Variants in EN1 observed in about 807,000 individuals in gnomAD.
The protein encoded by EN1 is engrailed homeobox 1.
A neutral mutation model predicts 22.9 loss-of-function variants in EN1; 8 were observed. The observed-to-expected ratio is 0.35, with a 90% CI of 0.20 to 0.63. The LOEUF is 0.63. Among genes scored for constraint, EN1 ranks in the 20% least tolerant of loss-of-function variants. EN1 has a pLI of 0.73. For synonymous variants in EN1, 287 were observed against 262.5 expected, an observed-to-expected ratio of 1.09 and a Z score of -0.90; for missense variants, 521 against 572.1, an observed-to-expected ratio of 0.91 and a Z score of 0.91.
rs887104630 is a variant in EN1, at chr2:118,846,569, G to A, written c.599C>T (p.Ala200Val). The A allele has an allele frequency of 3.0e-5, 37 of 1,216,064 alleles. No individual in the cohort carries two copies. The African/African-American group carries it at 4.4e-4, about 15-fold the overall frequency. 75.3% of individuals were successfully genotyped at this position (1,216,064 alleles called of 1,614,324 possible). A position where few individuals can be genotyped will look rare whatever the true frequency, so the allele number is the denominator to read the frequency against. The change falls in exon 1 of 2, where the codon GCG becomes GTG. Residue 200 changes from alanine (A) to valine (V), a missense_variant. Transcript: ENST00000295206. This position sits in a 1 kb window ranked among gnomAD's most constrained non-coding sequence, Gnocchi z 5.0. ...AGASKAGNPA[A>V]AAAAAAAAVA... ...TGCCGCCGCGGCCGCCGCCGCCGCCGCAGCCGGGTTCCCAGCTTTAGACGC... is the reference window on the plus strand; with the variant it reads ...TGCCGCCGCGGCCGCCGCCGCCGCCACAGCCGGGTTCCCAGCTTTAGACGC...
intron 1 of EN1, among the ~76,000 whole-genome samples, chr2:118,844,739 C>T (rs1678242853): frequency 1.3e-5 from 2 of 152,166 alleles, no homozygotes; most frequent in South Asian, 2.1e-4. Flanking sequence ...GAGTCCAGGC[C>T]TAGCATACTG....
rs1230540892 is a variant in EN1 at position 118,847,485 on chromosome 2, A to T, written c.-318T>A. The T allele has an allele frequency of 7.8e-6, 2 of 256,652 alleles. No homozygotes were observed. Among genetic ancestry groups the T allele is most frequent in the Non-Finnish European group, 1.5e-5 (2 of 136,936 alleles). 15.9% of individuals were successfully genotyped at this position (256,652 alleles called of 1,614,324 possible). On this transcript the variant is annotated 5_prime_UTR_variant, in exon 1 of 2. It adds an upstream start codon to the 5' untranslated region. Transcript: ENST00000295206. ...TTAAATGGGGAGTAAGCCACGGCCA[A>T]AAAAATGAAGGAAAAAAAGAAAAAG... is the stretch of plus-strand genomic sequence containing the variant.
chr2:118,843,308 G>A, intron 1 of EN1, 54 bp from the exon 2 acceptor site: 1 of 1,156,360 alleles, frequency 8.6e-7, no homozygotes, highest in Non-Finnish European at 1.2e-6. Context: ...GAGGGCAGAA[G>A]GGAGGGGGGA....
Position 118,842,653 on chromosome 2 carries a change from G to T in EN1, c.*285C>A. 1 of 358,860 alleles carries T rather than the reference G, an allele frequency of 2.8e-6. No homozygotes were observed. Among genetic ancestry groups the T allele is most frequent in the East Asian group, 5.1e-5 (1 of 19,656 alleles). 22.2% of individuals were successfully genotyped at this position (358,860 alleles called of 1,614,324 possible). On this transcript the variant is annotated 3_prime_UTR_variant, in exon 2 of 2. Coordinates refer to ENST00000295206, the MANE Select transcript of EN1 (RefSeq NM_001426.4). ...ATTAAATATATACAAGGTCGTAAGCGGTTTGGCTAGATAGAGCTTTAAGGA... is the reference window on the plus strand; with the variant it reads ...ATTAAATATATACAAGGTCGTAAGCTGTTTGGCTAGATAGAGCTTTAAGGA...
In EN1 at chr2:118,846,535, C is replaced by A; in HGVS notation, c.633G>T (p.Ala211=). 3.3e-6 allele frequency: 4 copies of A among 1,213,556 alleles called. 1 individual carries two copies. In the South Asian group the frequency reaches 1.4e-4, roughly 44 times the overall value. 75.2% of individuals were successfully genotyped at this position (1,213,556 alleles called of 1,614,324 possible). ...GCTTGGCTGCTGCGGCCGCCGCCGC[C>A]GCCGCCACTGCCGCCGCGGCCGCCG... The part of the protein sequence containing the change: ...AAAAAAAAVA[A]AAAAAAAKPS... Residue 211 remains alanine, a synonymous_variant, in exon 1 of 2, where the codon GCG becomes GCT. Transcript: ENST00000295206. This position sits in a 1 kb window ranked among gnomAD's most constrained non-coding sequence, Gnocchi z 5.0.
In EN1 at chr2:118,846,232, A is replaced by G; in HGVS notation, c.862+74T>C. On this transcript the variant is annotated intron_variant, in intron 1 of 1. Transcript: ENST00000295206. This position sits in a 1 kb window ranked among gnomAD's most constrained non-coding sequence, Gnocchi z 5.0. ...ACCCGAGGCCGGGTTTGCTCTCCCT[A>G]GCGCCGCAGCTTGGCGTTCTGGGGC... 1.3e-6 allele frequency: 2 copies of G among 1,550,996 alleles called. No individual in the cohort carries two copies. The highest frequency in any genetic ancestry group is 1.7e-6 in the Non-Finnish European group (2 of 1,151,118).
In EN1 at chr2:118,847,112, G is replaced by T; in HGVS notation, c.56C>A (p.Ala19Glu). ...KSQRDSALGA[A>E]AAATPGGLSL... is the part of the protein sequence containing the mutation. ...GAGGCCGCCCGGAGTCGCCGCCGCC[G>T]CCGCGCCGAGGGCCGAGTCGCGCTG... The change falls in exon 1 of 2, where the codon GCG (alanine) becomes GAG (glutamate). Residue 19 changes from alanine (A) to glutamate (E), a missense_variant. By Grantham distance (107) the Ala-to-Glu change is moderately radical. Transcript: ENST00000295206. 7.3e-7 allele frequency: 1 copy of T among 1,370,856 alleles called. No homozygotes were observed. The highest frequency in any genetic ancestry group is 9.6e-7 in the Non-Finnish European group (1 of 1,041,932). The allele number at this position is 1,370,856 out of a possible 1,614,324, so 84.9% of individuals were successfully genotyped here.
rs1207866609 is a variant in EN1 at position 118,842,415 on chromosome 2, G to C, written c.*523C>G. 1.3e-5 allele frequency: 2 copies of C among 152,328 alleles called. No individual in the cohort carries two copies. The highest frequency in any genetic ancestry group is 2.9e-5 in the Non-Finnish European group (2 of 68,018). 9.4% of individuals were successfully genotyped at this position (152,328 alleles called of 1,614,324 possible). On this transcript the variant is annotated 3_prime_UTR_variant, in exon 2 of 2. Transcript: ENST00000295206. ...CAAAGAAAAGTCCCAGAGAAACCAG[G>C]GCCGGCGATGCGGGTCGGGAGGCAC...
intron 1 of EN1, among the ~76,000 whole-genome samples, chr2:118,843,631 C>T (rs542847545): frequency 2.0e-5 from 3 of 152,300 alleles, no homozygotes; most frequent in Admixed American, 6.5e-5. Flanking sequence ...ATATTTGGAG[C>T]TCATATGGCC....
chr2:118,846,505 C>T lies in EN1; in HGVS notation c.663G>A (p.Ser221=), dbSNP rs986949238. 2.6e-6 allele frequency: 4 copies of T among 1,531,900 alleles called. No individual in the cohort carries two copies. The highest frequency in any genetic ancestry group is 1.9e-4 in the Middle Eastern group (1 of 5,206). 94.9% of individuals were successfully genotyped at this position (1,531,900 alleles called of 1,614,324 possible). Residue 221 remains serine (S), a synonymous_variant, in exon 1 of 2, where the codon TCG becomes TCA. Transcript: ENST00000295206. The surrounding 1 kb of genome is among the most constrained non-coding windows in gnomAD (Gnocchi z 5.0). ...CTCCACTGCCGCCGCCACCGGTGTC[C>T]GAGGGCTTGGCTGCTGCGGCCGCCG... ...AAAAAAAAKP[S]DTGGGGSGGG...
In EN1 at chr2:118,843,175, C is replaced by A; in HGVS notation, c.942G>T (p.Gln314His). The change falls in exon 2 of 2, where the codon CAG becomes CAT. Residue 314 changes from glutamine to histidine, a missense_variant. Physicochemically the swap from Gln to His is conservative, Grantham distance 24 (BLOSUM62 0). Around this residue, in one of 3 missense-constraint regions of EN1, gnomAD observed 50 missense variants for 121.8 expected, o/e 0.41. Coordinates refer to ENST00000295206, the MANE Select transcript of EN1 (RefSeq NM_001426.4). ...KRPRTAFTAEQLQRLKAEFQA... is the reference protein window; with the variant it reads ...KRPRTAFTAEHLQRLKAEFQA... ...GGAACTCCGCCTTGAGTCTCTGCAG[C>A]TGCTCGGCCGTGAACGCGGTCCGCG... 1 of 1,606,072 alleles carries A rather than the reference C, an allele frequency of 6.2e-7. No homozygotes were observed. Among genetic ancestry groups the A allele is most frequent in the East Asian group, 2.2e-5 (1 of 44,590 alleles).
chr2:118,847,545 T>A lies in EN1; in HGVS notation c.-378A>T, dbSNP rs1199476657. 6.0e-6 allele frequency: 1 copy of A among 167,128 alleles called. No homozygotes were observed. Among genetic ancestry groups the A allele is most frequent in the East Asian group, 1.6e-4 (1 of 6,180 alleles). The allele number at this position is 167,128 out of a possible 1,614,324, so 10.4% of individuals were successfully genotyped here. The stretch of plus-strand genomic sequence containing the variant: ...AAGAAAGCAAGAAAAAAAGCTCCAA[T>A]AATTTTTTTCTTAAAGGGAAAAAAA... On this transcript the variant is annotated 5_prime_UTR_variant, in exon 1 of 2. Coordinates refer to ENST00000295206, the MANE Select transcript of EN1 (RefSeq NM_001426.4).
In EN1 at chr2:118,843,313, G is replaced by C. The variant is rs186026467; in HGVS notation, c.863-59C>G. The stretch of plus-strand genomic sequence containing the variant: ...GGTGGGGACCGAGGGCAGAAGGGAG[G>C]GGGGAGAGGGCAAAGGAAGCCGTGA... On this transcript the variant is annotated intron_variant, in intron 1 of 1. Transcript: ENST00000295206. 69 of 1,178,138 alleles carry C rather than the reference G, an allele frequency of 5.9e-5. No homozygotes were observed. The African/African-American group carries it at 6.0e-4, about 10-fold the overall frequency. The allele number at this position is 1,178,138 out of a possible 1,614,324, so 73.0% of individuals were successfully genotyped here.
intron 1 of EN1, among the ~76,000 whole-genome samples, chr2:118,844,574 C>T (rs1343212724): frequency 1.3e-5 from 2 of 152,188 alleles, no homozygotes; most frequent in Non-Finnish European, 2.9e-5. Flanking sequence ...GCTTGCTGAA[C>T]CAAGTTAAGT....
chr2:118,845,661 C>T (rs1678258060), intron 1 of EN1, among the ~76,000 whole-genome samples: 2 of 152,188 alleles, frequency 1.3e-5, no homozygotes, highest in Admixed American at 6.5e-5. Flanking sequence ...CCAGGGGCTG[C>T]CAGCACCCAC....
Position 118,843,141 on chromosome 2 carries a change from G to A in EN1, c.976C>T (p.Arg326Cys). The A allele has an allele frequency of 6.2e-7, 1 of 1,613,194 alleles. No homozygotes were observed. Among genetic ancestry groups the A allele is most frequent in the Non-Finnish European group, 8.5e-7 (1 of 1,179,656 alleles). The change falls in exon 2 of 2, where the codon CGC becomes TGC. Residue 326 changes from arginine (R) to cysteine (C), a missense_variant. Coordinates refer to ENST00000295206, the MANE Select transcript of EN1 (RefSeq NM_001426.4). ...TGCCGCCGCTGCTCCGTGATGTAGCGGTTTGCCTGGAACTCCGCCTTGAGT... is the reference window on the plus strand; with the variant it reads ...TGCCGCCGCTGCTCCGTGATGTAGCAGTTTGCCTGGAACTCCGCCTTGAGT... The part of the protein sequence containing the change: ...QRLKAEFQAN[R>C]YITEQRRQTL...
chr2:118,843,219 C>G lies in EN1; in HGVS notation c.898G>C (p.Glu300Gln), dbSNP rs1273224860. The G allele has an allele frequency of 1.4e-6, 2 of 1,418,264 alleles. No homozygotes were observed. The highest frequency in any genetic ancestry group is 1.5e-5 in the African/African-American group (1 of 67,630). The allele number at this position is 1,418,264 out of a possible 1,614,324, so 87.9% of individuals were successfully genotyped here. A position where few individuals can be genotyped will look rare whatever the true frequency, so the allele number is the denominator to read the frequency against. ...GTCCGCGGCCGCTTGTCCTCCTTCT[C>G]GTTCTTCTTCTTCTTCAGCTTCCTG... ...RTRKLKKKKNEKEDKRPRTAF... is the reference protein window; with the variant it reads ...RTRKLKKKKNQKEDKRPRTAF... Residue 300 changes from glutamate (E) to glutamine (Q), a missense_variant, in exon 2 of 2, where the codon GAG becomes CAG. This residue lies in a region of EN1 where 50 missense variants were observed against 121.8 expected (regional missense o/e 0.41). Transcript: ENST00000295206.
At position 118,847,318 on chromosome 2, in the gene EN1, G is replaced by A. The variant is rs989515590; in HGVS notation, c.-151C>T. The stretch of plus-strand genomic sequence containing the variant: ...GGCACGGGGCGGGTGCAGGAAAAAA[G>A]CTCAGGCGTCTGGCCTGGATCGCTC... On this transcript the variant is annotated 5_prime_UTR_variant, in exon 1 of 2. Transcript: ENST00000295206. 3 of 402,476 alleles carry A rather than the reference G, an allele frequency of 7.5e-6. No individual in the cohort carries two copies. Among genetic ancestry groups the A allele is most frequent in the East Asian group, 4.1e-5 (1 of 24,660 alleles). 24.9% of individuals were successfully genotyped at this position (402,476 alleles called of 1,614,324 possible).
chr2:118,845,226 C>A (rs1038503078), intron 1 of EN1, among the ~76,000 whole-genome samples: 2 of 152,212 alleles, frequency 1.3e-5, no homozygotes, highest in African/African-American at 4.8e-5. Flanking sequence ...TGTGGGGCGG[C>A]GAGAGACCAG....
Sources: allele counts gnomAD v4.1 joint callset (sites outside exome capture counted in the v4.1 genomes callset), GRCh38; gene constraint gnomAD v4.1.1; regional missense constraint gnomAD v4.1.1; non-coding constraint Gnocchi (gnomAD v3.1); transcripts MANE v1.5; gene names NCBI Gene and HGNC (gene_info 2026-07-23, HGNC 2026-07-21).